SLC9A9: variants seen among roughly 807,000 people sequenced by gnomAD.
The protein encoded by SLC9A9 is sodium/hydrogen exchanger 9.
In SLC9A9, 62 loss-of-function variants were observed where a neutral mutation model predicts 77.8. That is an observed-to-expected ratio of 0.80 (90% CI 0.65 to 0.98). The LOEUF (loss-of-function observed/expected upper bound fraction) is 0.98, where lower values mean the gene tolerates loss of function less well. Among genes scored for constraint, SLC9A9 ranks in the 50% least tolerant of loss-of-function variants. SLC9A9 has a pLI of 0.00. For missense variants in SLC9A9, 775 were observed against 774.9 expected (o/e 1.00, Z 0.00); for synonymous variants, 320 against 283.5 (o/e 1.13, Z -1.29).
At position 143,796,881 on chromosome 3, in the gene SLC9A9, A is replaced by C; in HGVS notation, c.401T>G (p.Phe134Cys). The C allele has an allele frequency of 6.2e-7, 1 of 1,612,592 alleles. No homozygotes were observed. Among genetic ancestry groups the C allele is most frequent in the Non-Finnish European group, 8.5e-7 (1 of 1,179,012 alleles). ...AATTGGTGGCAGTAAAACATTGAAG[A>C]AGATTTCTGGATCAAATGTCATCTG... ...LEKMTFDPEI[F>C]FNVLLPPIIF... Residue 134 changes from phenylalanine to cysteine, a missense_variant, in exon 3 of 16, where the codon TTC (phenylalanine) becomes TGC (cysteine). Transcript: ENST00000316549.
At chr3:143,494,974 T>C (rs541969403) in intron 10 of SLC9A9, among the ~76,000 whole-genome samples, 7 of 152,352 alleles carry the variant, frequency 4.6e-5, no homozygotes, top group African/African-American at 1.7e-4. Flanking sequence ...CTTCCTGATA[T>C]ACTCTAATGC....
chr3:143,489,774 T>C (rs557785866), intron 11 of SLC9A9, among the ~76,000 whole-genome samples: 1 of 152,166 alleles, frequency 6.6e-6, no homozygotes, highest in South Asian at 2.1e-4. Flanking sequence ...TTGCAAATGA[T>C]ATGTCTGATA....
intron 4 of SLC9A9, among the ~76,000 whole-genome samples, chr3:143,758,025 C>T (rs2006982325): frequency 6.6e-6 from 1 of 152,158 alleles, no homozygotes; most frequent in African/African-American, 2.4e-5. Context: ...CTTTCATCCT[C>T]TTCTATCAGC....
chr3:143,443,097 TAA>T (rs1210175942), intron 12 of SLC9A9, among the ~76,000 whole-genome samples: 2 of 142,334 alleles, frequency 1.4e-5, no homozygotes, highest in Non-Finnish European at 3.1e-5. Flanking sequence ...CTGCTCTGGC[TAA>T]AGAGACACAT....
chr3:143,798,861 G>A (rs1365491495), intron 2 of SLC9A9, among the ~76,000 whole-genome samples: 2 of 152,020 alleles, frequency 1.3e-5, no homozygotes, highest in Non-Finnish European at 2.9e-5. Flanking sequence ...CCAACCCCAA[G>A]TGTTGCTCAG....
intron 5 of SLC9A9, among the ~76,000 whole-genome samples, chr3:143,653,622 A>C (rs1007265290): frequency 5.9e-5 from 9 of 152,138 alleles, no homozygotes; most frequent in Non-Finnish European, 1.0e-4. Flanking sequence ...CATAATAGAG[A>C]GTCATGAAGG....
intron 2 of SLC9A9, among the ~76,000 whole-genome samples, chr3:143,824,942 T>C (rs549772890): frequency 5.4e-4 from 82 of 152,296 alleles, no homozygotes; most frequent in African/African-American, 1.8e-3. Flanking sequence ...CCAAACAGCC[T>C]CATCCCATTT....
At chr3:143,660,212 T>C (rs1209019085) in intron 5 of SLC9A9, among the ~76,000 whole-genome samples, 1 of 152,138 alleles carries the variant, frequency 6.6e-6, no homozygotes, top group Non-Finnish European at 1.5e-5. Flanking sequence ...TCACTGGAGC[T>C]CTTAAAAGCA....
At chr3:143,290,575 A>G (rs1429562703) in intron 14 of SLC9A9, among the ~76,000 whole-genome samples, 1 of 152,122 alleles carries the variant, frequency 6.6e-6, no homozygotes, top group Non-Finnish European at 1.5e-5. Context: ...GCCATCACAC[A>G]TAGCATAGAA....
At chr3:143,668,027 T>C (rs1410544782) in intron 5 of SLC9A9, among the ~76,000 whole-genome samples, 3 of 152,102 alleles carry the variant, frequency 2.0e-5, no homozygotes, top group African/African-American at 7.2e-5. Context: ...TAAAGACACA[T>C]GCACACGTAT....
intron 12 of SLC9A9, among the ~76,000 whole-genome samples, chr3:143,397,127 G>T (rs2033748897): frequency 6.6e-6 from 1 of 152,168 alleles, no homozygotes; most frequent in African/African-American, 2.4e-5. Context: ...AAACTAGATT[G>T]AAAATGAATA....
In SLC9A9 at chr3:143,574,082, A is replaced by G. The variant is rs370527120; in HGVS notation, c.1000+6T>C. 6.2e-7 allele frequency: 1 copy of G among 1,612,166 alleles called. No homozygotes were observed. The highest frequency in any genetic ancestry group is 8.5e-7 in the Non-Finnish European group (1 of 1,178,702). On this transcript the variant is annotated splice_donor_region_variant and intron_variant, in intron 8 of 15. Transcript: ENST00000316549. ...TCCAGTTGGCTGTGCAGCATGAAGC[A>G]CTGACCTGTTAGGCCGGCAGCCTCG...
At chr3:143,451,460 T>A (rs1000882451) in intron 12 of SLC9A9, among the ~76,000 whole-genome samples, 3 of 152,206 alleles carry the variant, frequency 2.0e-5, no homozygotes, top group Non-Finnish European at 4.4e-5. Context: ...AGTCATTTTT[T>A]AAAACAGTTT....
At position 143,505,322 on chromosome 3, in the gene SLC9A9, C is replaced by T. The variant is rs76372910; in HGVS notation, c.1090-9874G>A. Among the ~76,000 whole-genome samples, 8 of 152,272 alleles carry T rather than the reference C, an allele frequency of 5.3e-5. No homozygotes were observed. In the South Asian group the frequency reaches 1.7e-3, roughly 32 times the overall value. On this transcript the variant is annotated intron_variant, in intron 9 of 15. Coordinates refer to ENST00000316549, the MANE Select transcript of SLC9A9 (RefSeq NM_173653.4). ...AACCCTCTTTTCAACCCAATTTCTT[C>T]TTCAGACAAATTCTGTTTTGCCCTG...
At chr3:143,846,064 CAG>C (rs1364770657) in intron 1 of SLC9A9, among the ~76,000 whole-genome samples, 4 of 152,160 alleles carry the variant, frequency 2.6e-5, no homozygotes, top group African/African-American at 9.7e-5. Context: ...AAAAATATTT[CAG>C]AGAGTTTTGC....
At chr3:143,482,411 C>T (rs552518975) in intron 11 of SLC9A9, among the ~76,000 whole-genome samples, 5 of 152,256 alleles carry the variant, frequency 3.3e-5, no homozygotes, top group East Asian at 3.9e-4. Context: ...GTTAAAACTT[C>T]TCGTAGTTTT....
chr3:143,794,194 G>A (rs941613712), intron 4 of SLC9A9, among the ~76,000 whole-genome samples: 3 of 152,296 alleles, frequency 2.0e-5, no homozygotes, highest in South Asian at 2.1e-4. Context: ...GGCATGAACC[G>A]TGTGTATTTT....
intron 14 of SLC9A9, among the ~76,000 whole-genome samples, chr3:143,298,078 T>C (rs1212398175): frequency 1.3e-5 from 2 of 152,250 alleles, no homozygotes; most frequent in East Asian, 3.8e-4. Context: ...GGCTTTTTTA[T>C]TGCATGAATG....
intron 14 of SLC9A9, among the ~76,000 whole-genome samples, chr3:143,311,292 G>A (rs12493473): frequency 0.16 from 24,825 of 152,228 alleles, 2,365 homozygotes; most frequent in Admixed American, 0.24. Context: ...CAGTTGGCCA[G>A]ACTTTTCATA....
Sources: gnomAD v4.1 joint callset for allele counts (sites outside exome capture counted in the v4.1 genomes callset) on GRCh38, gnomAD v4.1.1 for gene constraint, MANE v1.5 for transcripts, NCBI Gene and HGNC (gene_info 2026-07-23, HGNC 2026-07-21) for gene names.